Variants in FSHR observed in about 807,000 individuals in gnomAD.
The protein encoded by FSHR is follicle stimulating hormone receptor.
Under a neutral mutation model 52.1 loss-of-function variants are expected in FSHR, and 46 were observed. The ratio of observed to expected loss-of-function variants is 0.88; its 90% CI spans 0.70 to 1.13. The LOEUF (loss-of-function observed/expected upper bound fraction) is 1.13. Ranked by LOEUF, FSHR falls within the 50% of genes most tolerant of loss-of-function variation. The pLI, the probability that FSHR is intolerant of heterozygous loss-of-function variation, is 0.00. For missense variants in FSHR, 964 were observed against 834.6 expected (o/e 1.16, Z -1.91); for synonymous variants, 399 against 309.6 (o/e 1.29, Z -3.03).
Position 49,020,610 on chromosome 2 carries a change from G to A in FSHR, c.225-450C>T, listed in dbSNP as rs375769808. Among the ~76,000 whole-genome samples, 48 of 151,598 alleles carry A rather than the reference G, an allele frequency of 3.2e-4. 1 individual carries two copies. In the East Asian group the frequency reaches 7.8e-3, roughly 25 times the overall value. ...GCCCAATTGACATTGTAGCCCAAATGTAACCAAAGGTAACACATGAATGAA... is the reference window on the plus strand; with the variant it reads ...GCCCAATTGACATTGTAGCCCAAATATAACCAAAGGTAACACATGAATGAA... On this transcript the variant is annotated intron_variant, in intron 2 of 9. Coordinates refer to ENST00000406846, the MANE Select transcript of FSHR (RefSeq NM_000145.4).
At chr2:48,985,129 GACGATGAC>G (rs1489374460) in intron 6 of FSHR, among the ~76,000 whole-genome samples, 247 of 105,582 alleles carry the variant, frequency 2.3e-3, no homozygotes, top group Non-Finnish European at 4.3e-3. Flanking sequence ...TGACGATGAT[GACGATGAC>G]TACAACAACC....
At chr2:49,140,833 A>G (rs1672659310) in intron 1 of FSHR, among the ~76,000 whole-genome samples, 1 of 152,312 alleles carries the variant, frequency 6.6e-6, no homozygotes, top group East Asian at 1.9e-4. Flanking sequence ...AAATACTATC[A>G]TCAAGGTTCA....
At chr2:49,151,825 T>C (rs1673073981) in intron 1 of FSHR, among the ~76,000 whole-genome samples, 2 of 152,292 alleles carry the variant, frequency 1.3e-5, no homozygotes, top group Middle Eastern at 6.8e-3. Context: ...ATTCAGTCTT[T>C]TTAAGGAAGC....
At chr2:49,037,603 A>T (rs549608653) in intron 2 of FSHR, among the ~76,000 whole-genome samples, 1 of 152,326 alleles carries the variant, frequency 6.6e-6, no homozygotes, top group East Asian at 1.9e-4. Flanking sequence ...ACAGATTTTA[A>T]AAAAATGGAA....
chr2:49,070,299 T>C (rs1056427424), intron 1 of FSHR, among the ~76,000 whole-genome samples: 1 of 152,196 alleles, frequency 6.6e-6, no homozygotes, highest in African/African-American at 2.4e-5. Flanking sequence ...AGCATTGTCT[T>C]TATTAAGCCA....
chr2:49,010,349 G>A (rs1181571171), intron 4 of FSHR, among the ~76,000 whole-genome samples: 1 of 149,488 alleles, frequency 6.7e-6, no homozygotes, highest in Non-Finnish European at 1.5e-5. Context: ...TGTGTATATT[G>A]AACCAGCCTT....
intron 3 of FSHR, among the ~76,000 whole-genome samples, chr2:49,019,782 G>A (rs1423215952): frequency 1.3e-5 from 2 of 152,148 alleles, no homozygotes; most frequent in East Asian, 3.9e-4. Context: ...GGCTTTGACT[G>A]GAATAACTCT....
chr2:49,149,270 G>A (rs1394209), intron 1 of FSHR, among the ~76,000 whole-genome samples: 75,900 of 151,660 alleles, frequency 0.5, 19,727 homozygotes, highest in East Asian at 0.71. Flanking sequence ...GGTAATACCT[G>A]GTTACCTCAT....
At chr2:49,051,652 G>C (rs1414227763) in intron 2 of FSHR, among the ~76,000 whole-genome samples, 1 of 151,884 alleles carries the variant, frequency 6.6e-6, no homozygotes, top group Non-Finnish European at 1.5e-5. Flanking sequence ...TCATTTTCTT[G>C]ATGGTGTCTT....
At chr2:48,985,724 T>A (rs1205475535) in intron 6 of FSHR, among the ~76,000 whole-genome samples, 3 of 98,464 alleles carry the variant, frequency 3.0e-5, no homozygotes, top group South Asian at 3.7e-4. Flanking sequence ...TTTTTTTTTT[T>A]GAGACGGAGT....
At chr2:49,023,245 T>C (rs564568253) in intron 2 of FSHR, among the ~76,000 whole-genome samples, 3 of 152,334 alleles carry the variant, frequency 2.0e-5, no homozygotes, top group South Asian at 2.1e-4. Context: ...ATCACAACCA[T>C]GTTTTGTCGT....
At chr2:49,019,647 G>T (rs190441232) in intron 3 of FSHR, among the ~76,000 whole-genome samples, 14 of 152,334 alleles carry the variant, frequency 9.2e-5, no homozygotes, top group Middle Eastern at 3.4e-3. Flanking sequence ...CAGTTTTACA[G>T]ATGAGAAAAC....
At chr2:49,012,650 C>A (rs928523208) in intron 4 of FSHR, among the ~76,000 whole-genome samples, 1 of 152,112 alleles carries the variant, frequency 6.6e-6, no homozygotes, top group African/African-American at 2.4e-5. Context: ...TGATGATTAA[C>A]ATTTATCCTG....
At chr2:49,133,901 C>CTT (rs1373846838) in intron 1 of FSHR, among the ~76,000 whole-genome samples, 2 of 152,120 alleles carry the variant, frequency 1.3e-5, no homozygotes, top group African/African-American at 4.8e-5. Flanking sequence ...TTCCTTACAC[C>CTT]TTATACAAAA....
intron 4 of FSHR, among the ~76,000 whole-genome samples, chr2:49,007,786 T>A (rs866091389): frequency 1.4e-4 from 21 of 152,220 alleles, no homozygotes; most frequent in African/African-American, 4.3e-4. Context: ...AAACATTTAT[T>A]GTGAATGGAT....
intron 1 of FSHR, among the ~76,000 whole-genome samples, chr2:49,087,995 T>G (rs962965814): frequency 6.6e-6 from 1 of 152,236 alleles, no homozygotes; most frequent in Non-Finnish European, 1.5e-5. Flanking sequence ...ATATTTCATT[T>G]GCAGTATCTA....
intron 2 of FSHR, among the ~76,000 whole-genome samples, chr2:49,066,994 C>G (rs954968991): frequency 7.2e-5 from 11 of 152,060 alleles, no homozygotes; most frequent in Non-Finnish European, 8.8e-5. Flanking sequence ...TCCCCATCTT[C>G]TAATCCCTGT....
At chr2:49,006,718 G>C (rs755678987) in intron 4 of FSHR, among the ~76,000 whole-genome samples, 3 of 152,096 alleles carry the variant, frequency 2.0e-5, no homozygotes, top group Non-Finnish European at 4.4e-5. Context: ...CAGAGGTATT[G>C]CTATTTCCAG....
intron 2 of FSHR, among the ~76,000 whole-genome samples, chr2:49,030,781 A>C (rs533605341): frequency 2.9e-4 from 44 of 152,264 alleles, no homozygotes; most frequent in Admixed American, 7.2e-4. Flanking sequence ...ATTTTTGAAC[A>C]GTAGTTATCC....
Sources: allele counts gnomAD v4.1 joint callset (sites outside exome capture counted in the v4.1 genomes callset), GRCh38; gene constraint gnomAD v4.1.1; transcripts MANE v1.5; gene names NCBI Gene and HGNC (gene_info 2026-07-23, HGNC 2026-07-21).